Variants in PLAC1 observed in about 807,000 individuals in gnomAD.
PLAC1 encodes placenta associated 1, also known as placenta-specific protein 1.
For synonymous variants in PLAC1, 68 were observed against 62.1 expected (o/e 1.09, Z -0.44); for missense variants, 136 against 163.2 (o/e 0.83, Z 0.91).
At chrX:134,639,753 G>A (rs757330023) in intron 1 of PLAC1, among the ~76,000 whole-genome samples, 1 of 111,288 alleles carries the variant, frequency 9.0e-6, no homozygotes, top group East Asian at 2.8e-4. Flanking sequence ...CCCAGACTCT[G>A]GAAATCATCA....
rs757124528 is a variant in PLAC1 at position 134,566,254 on chromosome X, A to G, written c.429T>C (p.Asp143=). The part of the protein sequence containing the change: ...ASKSRATAQK[D]EKCYEVFSLS... The stretch of plus-strand genomic sequence containing the variant: ...AGCTGAACACCTCGTAGCATTTCTC[A>G]TCCTTCTGGGCTGTGGCCCTGCTCT... Residue 143 remains aspartate (D), a synonymous_variant, in exon 3 of 3, where the codon GAT becomes GAC. Coordinates refer to ENST00000359237, the MANE Select transcript of PLAC1 (RefSeq NM_021796.4). The G allele has an allele frequency of 9.1e-6, 11 of 1,209,729 alleles. No homozygotes were observed. In the East Asian group the frequency reaches 2.4e-4, roughly 26 times the overall value.
chrX:134,656,661 T>C (rs139571441), intron 1 of PLAC1, among the ~76,000 whole-genome samples: 5,409 of 111,534 alleles, frequency 0.048, 137 homozygotes, highest in Non-Finnish European at 0.079. Flanking sequence ...GATGGCTCAC[T>C]GCAGCTTCGA....
intron 2 of PLAC1, among the ~76,000 whole-genome samples, chrX:134,693,683 G>A (rs1476878537): frequency 2.7e-5 from 3 of 111,327 alleles, no homozygotes; most frequent in Non-Finnish European, 5.7e-5. Flanking sequence ...GAAATTGAGA[G>A]AGAGAGAGAG....
At chrX:134,734,838 A>G (rs960430466) in intron 1 of PLAC1, among the ~76,000 whole-genome samples, 7 of 110,654 alleles carry the variant, frequency 6.3e-5, no homozygotes, top group African/African-American at 2.3e-4. Context: ...CACAGCTGCA[A>G]CCCAGAGAAT....
At chrX:134,705,441 GA>G (rs1425798706) in intron 2 of PLAC1, among the ~76,000 whole-genome samples, 3 of 98,367 alleles carry the variant, frequency 3.0e-5, no homozygotes, top group Non-Finnish European at 6.1e-5. Context: ...AAAAAAGCAA[GA>G]GTATCTAGAA....
intron 1 of PLAC1, among the ~76,000 whole-genome samples, chrX:134,655,195 A>G (rs763996279): frequency 2.7e-5 from 3 of 110,798 alleles, no homozygotes; most frequent in Non-Finnish European, 5.7e-5. Context: ...TTTTTCCTGA[A>G]TTTTATTTTG....
At chrX:134,639,981 T>C (rs1029051357) in intron 1 of PLAC1, among the ~76,000 whole-genome samples, 1 of 112,212 alleles carries the variant, frequency 8.9e-6, no homozygotes, top group Non-Finnish European at 1.9e-5. Context: ...CACCATGTGA[T>C]GGATGCTTGG....
At chrX:134,709,485 G>T (rs1305038630) in intron 2 of PLAC1, among the ~76,000 whole-genome samples, 3 of 111,648 alleles carry the variant, frequency 2.7e-5, no homozygotes, top group Non-Finnish European at 5.6e-5. Flanking sequence ...AATTAGGTGG[G>T]TGTGGTGGCG....
intron 1 of PLAC1, among the ~76,000 whole-genome samples, chrX:134,648,634 C>T (rs1016883093): frequency 1.8e-5 from 2 of 111,256 alleles, no homozygotes; most frequent in South Asian, 7.8e-4. Context: ...TGCAGTGAGC[C>T]GAGATTGTGC....
chrX:134,642,309 A>G (rs1447311919), intron 1 of PLAC1, among the ~76,000 whole-genome samples: 1 of 111,914 alleles, frequency 8.9e-6, no homozygotes, highest in Non-Finnish European at 1.9e-5. Context: ...AAGACCCCAA[A>G]CTTCAGGCAA....
At chrX:134,694,922 T>C (rs1172450258) in intron 2 of PLAC1, among the ~76,000 whole-genome samples, 1 of 112,345 alleles carries the variant, frequency 8.9e-6, no homozygotes, top group Non-Finnish European at 1.9e-5. Context: ...ATTCCTCAAC[T>C]AAAAAAGTCA....
At chrX:134,737,956 G>A (rs1048681645) in intron 1 of PLAC1, among the ~76,000 whole-genome samples, 5 of 111,648 alleles carry the variant, frequency 4.5e-5, no homozygotes, top group Non-Finnish European at 9.4e-5. Flanking sequence ...GGAGGGCGAG[G>A]CTGATGCAAT....
chrX:134,737,860 C>A (rs778933208), intron 1 of PLAC1, among the ~76,000 whole-genome samples: 1 of 112,504 alleles, frequency 8.9e-6, no homozygotes, highest in East Asian at 2.8e-4. Flanking sequence ...AGTTAATTCG[C>A]TGAAGGCAAA....
intron 2 of PLAC1, among the ~76,000 whole-genome samples, chrX:134,569,293 C>T (rs2077893007): frequency 9.0e-6 from 1 of 111,643 alleles, no homozygotes; most frequent in Non-Finnish European, 1.9e-5. Flanking sequence ...ACTTCCCACC[C>T]CCACACGTTC....
At chrX:134,635,010 G>A (rs2124420624) in intron 1 of PLAC1, among the ~76,000 whole-genome samples, 1 of 111,789 alleles carries the variant, frequency 8.9e-6, no homozygotes, top group South Asian at 3.8e-4. Flanking sequence ...TCCAATTCCT[G>A]GAGGTGACGT....
intron 1 of PLAC1, among the ~76,000 whole-genome samples, chrX:134,611,500 T>C (rs1188107403): frequency 5.1e-5 from 3 of 58,752 alleles, no homozygotes; most frequent in Non-Finnish European, 9.0e-5. Flanking sequence ...TATATAGATA[T>C]ATATATACAC....
intron 1 of PLAC1, among the ~76,000 whole-genome samples, chrX:134,609,077 A>G (rs2078139504): frequency 9.1e-6 from 1 of 110,331 alleles, no homozygotes; most frequent in African/African-American, 3.3e-5. Context: ...GGCTCAAATG[A>G]TCCTCCTTCC....
intron 2 of PLAC1, among the ~76,000 whole-genome samples, chrX:134,685,652 T>C (rs1015521976): frequency 1.8e-5 from 2 of 110,526 alleles, no homozygotes; most frequent in African/African-American, 6.6e-5. Context: ...GGACTCTATG[T>C]ACATCTTCTT....
intron 1 of PLAC1, among the ~76,000 whole-genome samples, chrX:134,624,921 G>C (rs2078228373): frequency 9.1e-6 from 1 of 110,010 alleles, no homozygotes; most frequent in South Asian, 3.9e-4. Flanking sequence ...TAGATAGATA[G>C]ATAGATAGAT....
Sources: allele counts gnomAD v4.1 joint callset (sites outside exome capture counted in the v4.1 genomes callset), GRCh38; gene constraint gnomAD v4.1.1; transcripts MANE v1.5; gene names NCBI Gene and HGNC (gene_info 2026-07-23, HGNC 2026-07-21).